CHCHD6: variants seen among roughly 807,000 people sequenced by gnomAD.
CHCHD6 encodes coiled-coil-helix-coiled-coil-helix domain containing 6.
Under a neutral mutation model 32.3 loss-of-function variants are expected in CHCHD6, and 28 were observed. That is an observed-to-expected ratio of 0.87 (90% CI 0.64 to 1.19). The LOEUF is 1.19. Ranked by LOEUF, CHCHD6 falls within the 50% of genes most tolerant of loss-of-function variation. The pLI, the probability that CHCHD6 is intolerant of heterozygous loss-of-function variation, is 0.00. For synonymous variants in CHCHD6, 122 were observed against 117.5 expected, an observed-to-expected ratio of 1.04 and a Z score of -0.25; for missense variants, 333 against 307.0, an observed-to-expected ratio of 1.08 and a Z score of -0.63.
At chr3:126,888,455 G>A (rs1442843951) in intron 5 of CHCHD6, among the ~76,000 whole-genome samples, 2 of 152,142 alleles carry the variant, frequency 1.3e-5, no homozygotes, top group Non-Finnish European at 2.9e-5. Flanking sequence ...TATCCATTTA[G>A]CCACTCCTCA....
intron 4 of CHCHD6, among the ~76,000 whole-genome samples, chr3:126,809,444 T>C (rs891068590): frequency 6.6e-6 from 1 of 152,122 alleles, no homozygotes; most frequent in Non-Finnish European, 1.5e-5. Context: ...CTGTGGAAAT[T>C]TTAAATTTTA....
At chr3:126,785,012 A>G (rs560408994) in intron 4 of CHCHD6, among the ~76,000 whole-genome samples, 25 of 152,160 alleles carry the variant, frequency 1.6e-4, no homozygotes, top group African/African-American at 6.0e-4. Flanking sequence ...CCTTGTGATT[A>G]TACTTATATA....
chr3:126,881,114 A>C (rs1295353005), intron 5 of CHCHD6, among the ~76,000 whole-genome samples: 1 of 152,264 alleles, frequency 6.6e-6, no homozygotes, highest in Non-Finnish European at 1.5e-5. Context: ...TCCTCAAAAG[A>C]AAGTTAATGG....
intron 4 of CHCHD6, among the ~76,000 whole-genome samples, chr3:126,808,320 ACTTTTGCCATATT>A (rs898162049): frequency 1.3e-5 from 2 of 152,122 alleles, no homozygotes; most frequent in Non-Finnish European, 2.9e-5. Context: ...ACATTCCATC[ACTTTTGCCATATT>A]CTTTTGCCAT....
intron 5 of CHCHD6, among the ~76,000 whole-genome samples, chr3:126,881,084 A>G (rs1461907377): frequency 6.6e-6 from 1 of 152,266 alleles, no homozygotes; most frequent in Non-Finnish European, 1.5e-5. Flanking sequence ...GGGAGGACAC[A>G]GTCTGTGGCC....
At chr3:126,863,091 C>T (rs1389398140) in intron 5 of CHCHD6, among the ~76,000 whole-genome samples, 2 of 42,302 alleles carry the variant, frequency 4.7e-5, no homozygotes, top group Non-Finnish European at 4.5e-5. Context: ...CCTCCTCCTC[C>T]ACCATCACCA....
At chr3:126,883,788 T>A (rs1284360970) in intron 5 of CHCHD6, among the ~76,000 whole-genome samples, 3 of 152,222 alleles carry the variant, frequency 2.0e-5, no homozygotes, top group Non-Finnish European at 4.4e-5. Context: ...TTAGTATCTG[T>A]CTCTGCATAC....
intron 4 of CHCHD6, among the ~76,000 whole-genome samples, chr3:126,792,918 C>T (rs561272355): frequency 1.2e-4 from 19 of 152,224 alleles, no homozygotes; most frequent in Admixed American, 1.0e-3. Flanking sequence ...TTTTGGAGCT[C>T]TGTTGTTTGG....
chr3:126,807,401 C>T (rs186894815), intron 4 of CHCHD6, among the ~76,000 whole-genome samples: 1 of 151,390 alleles, frequency 6.6e-6, no homozygotes, highest in East Asian at 1.9e-4. Context: ...TAGAAAAAAC[C>T]CATTAGAAAT....
At chr3:126,763,437 C>T (rs1252745391) in intron 4 of CHCHD6, among the ~76,000 whole-genome samples, 1 of 152,026 alleles carries the variant, frequency 6.6e-6, no homozygotes, top group African/African-American at 2.4e-5. Context: ...CACAAGCCTG[C>T]CTCAGCCTCC....
intron 5 of CHCHD6, among the ~76,000 whole-genome samples, chr3:126,912,966 T>TCTTTCC (rs1553756680): frequency 1.2e-4 from 18 of 152,040 alleles, no homozygotes; most frequent in Non-Finnish European, 4.4e-5. Flanking sequence ...CCTGGGTGGC[T>TCTTTCC]CTGTGCACCT....
intron 4 of CHCHD6, among the ~76,000 whole-genome samples, chr3:126,835,737 C>T (rs1175664158): frequency 6.6e-6 from 1 of 152,212 alleles, no homozygotes; most frequent in Non-Finnish European, 1.5e-5. Flanking sequence ...TTTCAGCCTG[C>T]AGATTTAGAA....
intron 2 of CHCHD6, among the ~76,000 whole-genome samples, chr3:126,728,369 C>G (rs967313459): frequency 6.6e-6 from 1 of 152,204 alleles, no homozygotes; most frequent in Non-Finnish European, 1.5e-5. Flanking sequence ...TGGGTGGGCA[C>G]TGCGAATGGG....
chr3:126,789,559 C>A (rs1018053513), intron 4 of CHCHD6, among the ~76,000 whole-genome samples: 1 of 152,140 alleles, frequency 6.6e-6, no homozygotes. Context: ...TTGAATTGCA[C>A]CCTTTACCAT....
chr3:126,786,466 T>G (rs1373270592), intron 4 of CHCHD6, among the ~76,000 whole-genome samples: 4 of 152,208 alleles, frequency 2.6e-5, no homozygotes, highest in African/African-American at 9.7e-5. Context: ...TGTTCCTATT[T>G]CTCCACATCC....
At chr3:126,865,800 C>T in intron 5 of CHCHD6, 1 of 910,302 alleles carries the variant, frequency 1.1e-6, no homozygotes, top group Non-Finnish European at 1.3e-6. Context: ...CAGAAATCCT[C>T]TCATATATCT....
chr3:126,754,105 A>T (rs1936851193), intron 4 of CHCHD6, among the ~76,000 whole-genome samples: 1 of 152,216 alleles, frequency 6.6e-6, no homozygotes, highest in Non-Finnish European at 1.5e-5. Context: ...TAGCAGTTAG[A>T]GCTGCAGTTC....
chr3:126,718,408 G>C (rs1042814825), intron 1 of CHCHD6, among the ~76,000 whole-genome samples: 1 of 152,216 alleles, frequency 6.6e-6, no homozygotes, highest in African/African-American at 2.4e-5. Context: ...TGTAGAGTCT[G>C]TACCATTAAT....
intron 4 of CHCHD6, among the ~76,000 whole-genome samples, chr3:126,734,927 T>A (rs767498255): frequency 6.6e-6 from 1 of 152,172 alleles, no homozygotes; most frequent in Non-Finnish European, 1.5e-5. Flanking sequence ...CTGAAGTTTG[T>A]AAGGATGGGA....
Sources: gnomAD v4.1 joint callset for allele counts (sites outside exome capture counted in the v4.1 genomes callset) on GRCh38, gnomAD v4.1.1 for gene constraint, MANE v1.5 for transcripts, NCBI Gene and HGNC (gene_info 2026-07-23, HGNC 2026-07-21) for gene names.